The following ACTR3C variants were observed in gnomAD, a reference collection of about 807,000 sequenced individuals.
The protein encoded by ACTR3C is actin-related protein 3C.
A neutral mutation model predicts 26.3 loss-of-function variants in ACTR3C; 18 were observed. The observed-to-expected ratio is 0.68, with a 90% CI of 0.47 to 1.01. ACTR3C has a LOEUF of 1.01. ACTR3C is among the 50% of genes least tolerant of loss of function. The probability of loss-of-function intolerance (pLI) is 0.00; values close to 1 mark genes in which losing one functional copy is unlikely to be tolerated. For missense variants in ACTR3C, 184 were observed against 250.7 expected, an observed-to-expected ratio of 0.73 and a Z score of 1.80; for synonymous variants, 55 against 94.5, an observed-to-expected ratio of 0.58 and a Z score of 2.42.
chr7:150,046,519 CGGTTCCCAGGTT>C, the ACTR3C span, among the ~76,000 whole-genome samples: 1 of 150,752 alleles, frequency 6.6e-6, no homozygotes, highest in Admixed American at 6.6e-5. Flanking sequence ...GGGACCCCTG[CGGTTCCCAGGTT>C]GAGCAGTTGT....
chr7:149,983,200 A>C, the ACTR3C span, among the ~76,000 whole-genome samples: 2 of 151,994 alleles, frequency 1.3e-5, no homozygotes, highest in African/African-American at 4.8e-5. Context: ...GCTTCATGAC[A>C]TTGGCCCAGG....
At chr7:150,153,376 G>GA in the ACTR3C span, among the ~76,000 whole-genome samples, 420 of 145,050 alleles carry the variant, frequency 2.9e-3, 2 homozygotes, top group African/African-American at 0.011. Flanking sequence ...ACATTTACAA[G>GA]AAAAAAACAA....
chr7:150,068,778 G>T, the ACTR3C span, among the ~76,000 whole-genome samples: 1 of 105,928 alleles, frequency 9.4e-6, no homozygotes, highest in Non-Finnish European at 1.8e-5. Context: ...GCGAGACTCC[G>T]TCCCAAAAAA....
the ACTR3C span, among the ~76,000 whole-genome samples, chr7:150,186,759 T>C: frequency 6.6e-6 from 1 of 152,168 alleles, no homozygotes; most frequent in South Asian, 2.1e-4. Context: ...AGGATATTAA[T>C]AGGTGTACAA....
At chr7:150,012,459 C>T in the ACTR3C span, among the ~76,000 whole-genome samples, 4 of 151,708 alleles carry the variant, frequency 2.6e-5, no homozygotes, top group East Asian at 3.9e-4. Flanking sequence ...GGACTACAGG[C>T]GCCCACCACC....
intron 1 of ACTR3C, among the ~76,000 whole-genome samples, chr7:150,299,559 G>A (rs1165034256): frequency 2.6e-5 from 4 of 151,314 alleles, no homozygotes; most frequent in South Asian, 2.1e-4. Flanking sequence ...GCAGGGGCAG[G>A]TGGATCACCT....
the ACTR3C span, among the ~76,000 whole-genome samples, chr7:150,210,036 C>CA: frequency 6.6e-6 from 1 of 151,256 alleles, no homozygotes. Context: ...CAGTAGAAAC[C>CA]AAGTAACCCA....
chr7:149,971,329 C>A, the ACTR3C span, among the ~76,000 whole-genome samples: 2 of 152,126 alleles, frequency 1.3e-5, no homozygotes, highest in African/African-American at 2.4e-5. Context: ...AAAGCCTGTG[C>A]CCTACCGATG....
the ACTR3C span, among the ~76,000 whole-genome samples, chr7:150,192,997 C>T: frequency 6.6e-6 from 1 of 152,174 alleles, no homozygotes; most frequent in Non-Finnish European, 1.5e-5. Flanking sequence ...AAAAGGACAA[C>T]TCTGATATGA....
the ACTR3C span, among the ~76,000 whole-genome samples, chr7:149,899,806 C>T: frequency 0.03 from 4,456 of 149,294 alleles, 14 homozygotes; most frequent in Middle Eastern, 0.048. Flanking sequence ...AGATTCAATA[C>T]TGAACAAACC....
At chr7:150,111,291 C>T in the ACTR3C span, among the ~76,000 whole-genome samples, 1 of 109,802 alleles carries the variant, frequency 9.1e-6, no homozygotes. Flanking sequence ...TTCTGGCATA[C>T]CTTGGCAAGG....
Position 150,250,573 on chromosome 7 carries a change from A to T in ACTR3C, c.565-1519T>A, listed in dbSNP as rs192856332. On this transcript the variant is annotated intron_variant, in intron 6 of 7. Coordinates refer to ENST00000683684, the MANE Select transcript of ACTR3C (RefSeq NM_001164458.2). ...CAGTGTGAGGGTTAAGGGCAGGTGC[A>T]GTACGACGGATTAGGAGGCTATTTC... Among the ~76,000 whole-genome samples, 5 of 152,054 alleles carry T rather than the reference A, an allele frequency of 3.3e-5. No homozygotes were observed. In the East Asian group the frequency reaches 9.7e-4, roughly 29 times the overall value.
At chr7:150,261,413 C>A (rs2129610051) in intron 6 of ACTR3C, among the ~76,000 whole-genome samples, 1 of 152,296 alleles carries the variant, frequency 6.6e-6, no homozygotes, top group South Asian at 2.1e-4. Flanking sequence ...ACCTTTTGCC[C>A]ATTTAACATT....
the ACTR3C span, among the ~76,000 whole-genome samples, chr7:150,108,483 T>A: frequency 6.6e-6 from 1 of 151,712 alleles, no homozygotes; most frequent in East Asian, 1.9e-4. Context: ...GGTGGCCTTA[T>A]AGATTTGGGA....
chr7:149,921,837 A>G, the ACTR3C span, among the ~76,000 whole-genome samples: 7 of 152,116 alleles, frequency 4.6e-5, no homozygotes, highest in Non-Finnish European at 8.8e-5. Flanking sequence ...AGATCAAGCC[A>G]CTGCACTCCA....
At chr7:149,896,876 A>G in the ACTR3C span, among the ~76,000 whole-genome samples, 1 of 151,858 alleles carries the variant, frequency 6.6e-6, no homozygotes, top group East Asian at 1.9e-4. Context: ...CCTGACCAAC[A>G]TGGTGAAACC....
chr7:149,974,735 A>G, the ACTR3C span, among the ~76,000 whole-genome samples: 10 of 152,154 alleles, frequency 6.6e-5, no homozygotes, highest in African/African-American at 2.4e-4. Flanking sequence ...TTGTTTCTAA[A>G]GCTGTGTCCT....
At chr7:150,174,666 C>A in the ACTR3C span, among the ~76,000 whole-genome samples, 1 of 139,154 alleles carries the variant, frequency 7.2e-6, no homozygotes. Context: ...CAAACACTGA[C>A]AAAATTCACT....
the ACTR3C span, among the ~76,000 whole-genome samples, chr7:150,026,034 A>G: frequency 6.6e-6 from 1 of 152,138 alleles, no homozygotes; most frequent in African/African-American, 2.4e-5. Flanking sequence ...AATGAGAATA[A>G]TGAAACCTCC....
Sources: gnomAD v4.1 joint callset for allele counts (sites outside exome capture counted in the v4.1 genomes callset) on GRCh38, gnomAD v4.1.1 for gene constraint, MANE v1.5 for transcripts, NCBI Gene and HGNC (gene_info 2026-07-23, HGNC 2026-07-21) for gene names.